Variants in CASZ1 observed in about 807,000 individuals in gnomAD.
The protein encoded by CASZ1 is zinc finger protein castor homolog 1.
A neutral mutation model predicts 135.2 loss-of-function variants in CASZ1; 28 were observed. That is an observed-to-expected ratio of 0.21 (90% confidence interval 0.15 to 0.28). The LOEUF is 0.28. CASZ1 is among the 10% of genes least tolerant of loss of function. The probability of loss-of-function intolerance (pLI) is 1.00; values close to 1 mark genes in which losing one functional copy is unlikely to be tolerated. For synonymous variants in CASZ1, 1,068 were observed against 1,073.4 expected, an observed-to-expected ratio of 0.99 and a Z score of 0.10; for missense variants, 2,161 against 2,453.3, an observed-to-expected ratio of 0.88 and a Z score of 2.52.
intron 2 of CASZ1, among the ~76,000 whole-genome samples, chr1:10,740,913 G>A (rs886402693): frequency 1.3e-4 from 17 of 135,806 alleles, no homozygotes; most frequent in African/African-American, 4.4e-4. Flanking sequence ...AGCTATGATC[G>A]CTTCACTGCA....
rs966353660 is a variant in CASZ1, at chr1:10,679,606, C to A, written c.17-14035G>T. Among the ~76,000 whole-genome samples, 1 of 152,216 alleles carries A rather than the reference C, an allele frequency of 6.6e-6. No homozygotes were observed. The highest frequency in any genetic ancestry group is 1.5e-5 in the Non-Finnish European group (1 of 68,026). On this transcript the variant is annotated intron_variant, in intron 4 of 20. Transcript: ENST00000377022. The surrounding 1 kb of genome is among the most constrained non-coding windows in gnomAD (Gnocchi z 4.7). ...CCTGCAACAGCTGCACCTCCACCCC[C>A]AGCCTGGGTCGAGTGGGTGGTGGGT...
At position 10,646,299 on chromosome 1, in the gene CASZ1, C is replaced by T. The variant is rs376622605; in HGVS notation, c.3525G>A (p.Lys1175=). ...AGTGGAAGTGGAACTTGTTGGCGTA[C>T]TTGCAGTCCGTGGCGAGGCAAGGAT... is the stretch of plus-strand genomic sequence containing the variant. The part of the protein sequence containing the change: ...ENDPCLATDC[K]YANKFHFHCL... The change falls in exon 17 of 21, where the codon AAG becomes AAA. Residue 1175 remains lysine (K), a synonymous_variant. Coordinates refer to ENST00000377022, the MANE Select transcript of CASZ1 (RefSeq NM_001079843.3). This position sits in a 1 kb window ranked among gnomAD's most constrained non-coding sequence, Gnocchi z 6.4. 1 of 1,614,132 alleles carries T rather than the reference C, an allele frequency of 6.2e-7. No individual in the cohort carries two copies. The highest frequency in any genetic ancestry group is 8.5e-7 in the Non-Finnish European group (1 of 1,180,020).
Position 10,679,565 on chromosome 1 carries a change from T to C in CASZ1, c.17-13994A>G, listed in dbSNP as rs1020685373. On this transcript the variant is annotated intron_variant, in intron 4 of 20. Transcript: ENST00000377022. This position sits in a 1 kb window ranked among gnomAD's most constrained non-coding sequence, Gnocchi z 4.7. ...CCGCGGGCCCCTCCTCCCCATACCA[T>C]AGTCCTGGTTCCCAGCCTGCAACAG... Among the ~76,000 whole-genome samples the C allele has an allele frequency of 2.6e-5, 4 of 152,070 alleles. No individual in the cohort carries two copies. Among genetic ancestry groups the C allele is most frequent in the African/African-American group, 7.2e-5 (3 of 41,412 alleles).
Position 10,646,209 on chromosome 1 carries a change from G to A in CASZ1, c.3615C>T (p.Asp1205=). ...CCAGGTTGTTGTTGGGGTTGATGTG[G>A]TCCAGGCAGTGGGATTCGGCCTTGC... The part of the protein sequence containing the change: ...TSGKAESHCL[D]HINPNNNLVN... Residue 1205 remains aspartate, a synonymous_variant, in exon 17 of 21, where the codon GAC becomes GAT. Coordinates refer to ENST00000377022, the MANE Select transcript of CASZ1 (RefSeq NM_001079843.3). This position sits in a 1 kb window ranked among gnomAD's most constrained non-coding sequence, Gnocchi z 6.4. The A allele has an allele frequency of 6.2e-7, 1 of 1,614,210 alleles. No homozygotes were observed. Among genetic ancestry groups the A allele is most frequent in the South Asian group, 1.1e-5 (1 of 91,088 alleles).
chr1:10,740,960 C>CA (rs374464130), intron 2 of CASZ1, among the ~76,000 whole-genome samples: 3,287 of 61,390 alleles, frequency 0.054, 105 homozygotes, highest in Non-Finnish European at 0.072. Flanking sequence ...CCTGTCTGGA[C>CA]AAAAAAAAAA....
rs542476738 is a variant in CASZ1, at chr1:10,648,082, C to G, written c.3216G>C (p.Pro1072=). 3.8e-6 allele frequency: 6 copies of G among 1,579,586 alleles called. No individual in the cohort carries two copies. In the South Asian group the frequency reaches 6.9e-5, roughly 18 times the overall value. Residue 1072 remains proline (P), a synonymous_variant, in exon 16 of 21, where the codon CCG becomes CCC. Transcript: ENST00000377022. ...GAGGTTTGGTCTCGGCGGCCGAGGCCGGAAAGGCAGCCTCTGTGTTTCCTT... is the reference window on the plus strand; with the variant it reads ...GAGGTTTGGTCTCGGCGGCCGAGGCGGGAAAGGCAGCCTCTGTGTTTCCTT... ...AAKGNTEAAF[P]ASAAETKPPM... is the part of the protein sequence containing the mutation.
intron 1 of CASZ1, among the ~76,000 whole-genome samples, chr1:10,786,660 C>T (rs961937391): frequency 1.3e-5 from 2 of 152,208 alleles, no homozygotes; most frequent in Non-Finnish European, 2.9e-5. Flanking sequence ...GATGAGGCAC[C>T]GGCCAGTTAA....
At chr1:10,714,981 G>A (rs1218787752) in intron 2 of CASZ1, among the ~76,000 whole-genome samples, 1 of 152,162 alleles carries the variant, frequency 6.6e-6, no homozygotes, top group African/African-American at 2.4e-5. Context: ...CCCACCTGCC[G>A]CCGCTCAGCC....
At chr1:10,690,900 G>A (rs1638745622) in intron 4 of CASZ1, among the ~76,000 whole-genome samples, 1 of 152,176 alleles carries the variant, frequency 6.6e-6, no homozygotes, top group Non-Finnish European at 1.5e-5. Context: ...TTCTAGCTGT[G>A]TTCAGGGCCT....
At chr1:10,768,156 G>A (rs772273968) in intron 1 of CASZ1, among the ~76,000 whole-genome samples, 8 of 152,306 alleles carry the variant, frequency 5.3e-5, no homozygotes, top group South Asian at 2.1e-4. Flanking sequence ...AGGGGCCTCC[G>A]GGTTTTATCT....
In CASZ1 at chr1:10,706,168, AGACCGTGCAG is replaced by A. The variant is rs1639169147; in HGVS notation, c.-76-634_-76-625del. ...ATGAGTCATCACAGCCCATGTCCAGAGACCGTGCAGGGAGAGGGACGATGGTCAGACAACG... is the reference window on the plus strand; with the variant it reads ...ATGAGTCATCACAGCCCATGTCCAGAGGAGAGGGACGATGGTCAGACAACG... On this transcript the variant is annotated intron_variant, in intron 2 of 20. Transcript: ENST00000377022. This position sits in a 1 kb window ranked among gnomAD's most constrained non-coding sequence, Gnocchi z 4.3. Among the ~76,000 whole-genome samples the A allele has an allele frequency of 6.6e-6, 1 of 152,232 alleles. No individual in the cohort carries two copies. The highest frequency in any genetic ancestry group is 2.4e-5 in the African/African-American group (1 of 41,464).
At position 10,654,553 on chromosome 1, in the gene CASZ1, C is replaced by T. The variant is rs541382690; in HGVS notation, c.1704G>A (p.Val568=). The T allele has an allele frequency of 6.2e-7, 1 of 1,614,254 alleles. No homozygotes were observed. Among genetic ancestry groups the T allele is most frequent in the Admixed American group, 1.7e-5 (1 of 60,030 alleles). The change falls in exon 10 of 21, where the codon GTG becomes GTA. Residue 568 remains valine, a synonymous_variant. Transcript: ENST00000377022. ...TCTTGTGGAAGTTCTCGTGGGTCAT[C>T]ACGTCAGACGTGCTCGTGTACACCT... is the stretch of plus-strand genomic sequence containing the variant. ...CNKVYTSTSD[V]MTHENFHKKN...
In CASZ1 at chr1:10,654,527, T is replaced by C. The variant is rs1360700380; in HGVS notation, c.1730A>G (p.Lys577Arg). The C allele has an allele frequency of 6.2e-7, 1 of 1,614,114 alleles. No homozygotes were observed. Among genetic ancestry groups the C allele is most frequent in the Non-Finnish European group, 8.5e-7 (1 of 1,180,050 alleles). The part of the protein sequence containing the change: ...DVMTHENFHK[K>R]NTQLINDGFQ... ...GCCGTCGTTAATGAGCTGGGTATTC[T>C]TCTTGTGGAAGTTCTCGTGGGTCAT... Residue 577 changes from lysine (K) to arginine (R), a missense_variant, in exon 10 of 21, where the codon AAG (lysine) becomes AGG (arginine). Physicochemically the swap from Lys to Arg is conservative, Grantham distance 26. Around this residue, in one of 7 missense-constraint regions of CASZ1, gnomAD observed 248 missense variants for 410.8 expected, o/e 0.60. Transcript: ENST00000377022.
chr1:10,677,364 G>A (rs753712085), intron 4 of CASZ1, among the ~76,000 whole-genome samples: 2 of 152,190 alleles, frequency 1.3e-5, no homozygotes, highest in Non-Finnish European at 2.9e-5. Flanking sequence ...TGGCACCGAG[G>A]AGGGCAGGAG....
intron 18 of CASZ1, 80 bp from the exon 19 acceptor site, chr1:10,643,391 G>A: frequency 6.8e-7 from 1 of 1,461,814 alleles, no homozygotes. Context: ...GCACTGTTCT[G>A]GGCATGGGGG....
At chr1:10,763,395 C>T (rs2100579846) in intron 1 of CASZ1, among the ~76,000 whole-genome samples, 1 of 152,328 alleles carries the variant, frequency 6.6e-6, no homozygotes, top group South Asian at 2.1e-4. Flanking sequence ...GTTCCGTCCC[C>T]TCACCAGCCA....
chr1:10,698,583 G>A (rs1437231131), intron 3 of CASZ1, among the ~76,000 whole-genome samples: 1 of 152,044 alleles, frequency 6.6e-6, no homozygotes, highest in African/African-American at 2.4e-5. Flanking sequence ...CTTGAAAAAT[G>A]CCCTCTTCTC....
chr1:10,764,297 C>T (rs188959244), intron 1 of CASZ1, among the ~76,000 whole-genome samples: 119 of 152,340 alleles, frequency 7.8e-4, no homozygotes, highest in Admixed American at 5.6e-3. Flanking sequence ...GTTACTTGAT[C>T]CCCTCCAACC....
intron 1 of CASZ1, among the ~76,000 whole-genome samples, chr1:10,766,270 G>GT (rs1396299216): frequency 1.3e-5 from 2 of 152,168 alleles, no homozygotes; most frequent in Non-Finnish European, 2.9e-5. Context: ...ATGCCACTGT[G>GT]GTTAAGCACA....
Sources: allele counts gnomAD v4.1 joint callset (sites outside exome capture counted in the v4.1 genomes callset), GRCh38; gene constraint gnomAD v4.1.1; regional missense constraint gnomAD v4.1.1; non-coding constraint Gnocchi (gnomAD v3.1); transcripts MANE v1.5; gene names NCBI Gene and HGNC (gene_info 2026-07-23, HGNC 2026-07-21).